CEP41: variants seen among roughly 807,000 people sequenced by gnomAD.
The protein encoded by CEP41 is centrosomal protein 41.
In CEP41, 32 loss-of-function variants were observed where a neutral mutation model predicts 44.3. The ratio of observed to expected loss-of-function variants is 0.72; its 90% CI spans 0.54 to 0.97. The LOEUF is 0.97. Ranked by LOEUF, CEP41 falls within the 50% of genes least tolerant of loss-of-function variation. The pLI is 0.00. For missense variants in CEP41, 432 were observed against 455.2 expected, an observed-to-expected ratio of 0.95 and a Z score of 0.46; for synonymous variants, 151 against 168.5, an observed-to-expected ratio of 0.90 and a Z score of 0.80.
At chr7:130,427,878 C>A in intron 2 of CEP41, 77 bp downstream of exon 2, 1 of 920,554 alleles carries the variant, frequency 1.1e-6, no homozygotes, top group Middle Eastern at 2.6e-4. Flanking sequence ...TGATTTATAC[C>A]AGATATGTGG....
chr7:130,441,103 T>TGG, upstream of CEP41: 1 of 991,758 alleles, frequency 1.0e-6, no homozygotes, highest in African/African-American at 1.6e-5. Context: ...GGCCGGCCAA[T>TGG]GGGGGCCCCG....
intron 9 of CEP41, 143 bp downstream of exon 9, chr7:130,400,564 T>C (rs1369278326): frequency 2.8e-6 from 2 of 703,666 alleles, no homozygotes; most frequent in Admixed American, 2.1e-5. Flanking sequence ...AAGTTTCACA[T>C]AACTCCTGAC....
At chr7:130,420,212 C>T in intron 2 of CEP41, 1 of 257,908 alleles carries the variant, frequency 3.9e-6, no homozygotes, top group East Asian at 1.8e-4. Flanking sequence ...TCCCTGTAGT[C>T]CCAGCTACTT....
At chr7:130,411,294 G>T in intron 4 of CEP41, 103 bp from the exon 5 acceptor site, 1 of 934,188 alleles carries the variant, frequency 1.1e-6, no homozygotes, top group South Asian at 1.3e-5. Flanking sequence ...TCAAAGATCT[G>T]TTGTTTTAAG....
At chr7:130,415,295 C>A (rs187505713) in intron 3 of CEP41, among the ~76,000 whole-genome samples, 79 of 152,288 alleles carry the variant, frequency 5.2e-4, no homozygotes, top group African/African-American at 1.9e-3. Context: ...TATCAAGAAA[C>A]AAGGGAATAT....
Position 130,411,159 on chromosome 7 carries a change from T to G in CEP41, c.240A>C (p.Thr80=). ...GAATCTCCTCAGCTGTCACTTCCAG[T>G]GTTTGATCAGAGAGGGAAGCAACTT... ...IIQVASLSDQ[T]LEVTAEEIQR... The change falls in exon 5 of 11, where the codon ACA becomes ACC. Residue 80 remains threonine, a synonymous_variant. Transcript: ENST00000223208. The G allele has an allele frequency of 6.2e-7, 1 of 1,614,108 alleles. No individual in the cohort carries two copies. The highest frequency in any genetic ancestry group is 8.5e-7 in the Non-Finnish European group (1 of 1,179,972).
intron 2 of CEP41, among the ~76,000 whole-genome samples, chr7:130,423,050 G>A (rs550707612): frequency 1.3e-5 from 2 of 152,284 alleles, no homozygotes; most frequent in African/African-American, 4.8e-5. Flanking sequence ...GGGTTCAAGC[G>A]ATTCTCCTGC....
intron 1 of CEP41, among the ~76,000 whole-genome samples, chr7:130,440,326 GC>G (rs1459359429): frequency 1.3e-5 from 2 of 152,078 alleles, no homozygotes; most frequent in African/African-American, 4.8e-5. Flanking sequence ...TCCACTATAC[GC>G]AATTTATTAA....
At chr7:130,439,934 C>T (rs782172605) in intron 1 of CEP41, among the ~76,000 whole-genome samples, 2 of 152,216 alleles carry the variant, frequency 1.3e-5, no homozygotes, top group African/African-American at 2.4e-5. Context: ...TTGAGTACTA[C>T]CTATTTTCTC....
At chr7:130,439,799 C>T (rs778283660) in intron 1 of CEP41, among the ~76,000 whole-genome samples, 1 of 152,064 alleles carries the variant, frequency 6.6e-6, no homozygotes, top group African/African-American at 2.4e-5. Flanking sequence ...CCTACAGGGG[C>T]CTGTTCTGAG....
At chr7:130,404,461 C>T (rs1289863581) in intron 6 of CEP41, 103 bp downstream of exon 6, 4 of 894,842 alleles carry the variant, frequency 4.5e-6, no homozygotes, top group Non-Finnish European at 7.4e-6. Context: ...TTTACTCCTG[C>T]CAGTTCTGTT....
At chr7:130,415,071 A>G (rs1182845521) in intron 3 of CEP41, among the ~76,000 whole-genome samples, 1 of 152,230 alleles carries the variant, frequency 6.6e-6, no homozygotes, top group Non-Finnish European at 1.5e-5. Context: ...TTGTCAATAG[A>G]CATAGAGTGT....
intron 1 of CEP41, among the ~76,000 whole-genome samples, chr7:130,439,538 C>T (rs1003814719): frequency 1.3e-5 from 2 of 152,158 alleles, no homozygotes; most frequent in African/African-American, 2.4e-5. Context: ...TCCTTCCCCC[C>T]ACCCTCCAGG....
intron 3 of CEP41, among the ~76,000 whole-genome samples, chr7:130,413,875 T>C (rs1332541326): frequency 1.3e-5 from 2 of 152,224 alleles, no homozygotes; most frequent in Non-Finnish European, 2.9e-5. Context: ...GGTTTTTATA[T>C]TGGTACCCAT....
rs559935453 is a variant in CEP41, at chr7:130,398,391, G to A, written c.*500C>T. On this transcript the variant is annotated 3_prime_UTR_variant, in exon 11 of 11. Coordinates refer to ENST00000223208, the MANE Select transcript of CEP41 (RefSeq NM_018718.3). Reference sequence around the variant, plus strand: ...GCCTGCTGGGGTGGGGTCTGCAGGCGGCTGGAACCTAAGGCTCATCTGCAC... The same window carrying A: ...GCCTGCTGGGGTGGGGTCTGCAGGCAGCTGGAACCTAAGGCTCATCTGCAC... 7.0e-5 allele frequency: 32 copies of A among 453,944 alleles called. No homozygotes were observed. Among genetic ancestry groups the A allele is most frequent in the African/African-American group, 2.0e-4 (10 of 50,060 alleles). 28.1% of individuals were successfully genotyped at this position (453,944 alleles called of 1,614,324 possible). A position where few individuals can be genotyped will look rare whatever the true frequency, so the allele number is the denominator to read the frequency against.
chr7:130,435,034 T>C (rs1797922706), intron 1 of CEP41, among the ~76,000 whole-genome samples: 1 of 152,118 alleles, frequency 6.6e-6, no homozygotes, highest in African/African-American at 2.4e-5. Context: ...TTTTCTGACA[T>C]GGAAAGATCT....
At chr7:130,424,399 C>CA (rs35053180) in intron 2 of CEP41, among the ~76,000 whole-genome samples, 2,071 of 96,394 alleles carry the variant, frequency 0.021, 9 homozygotes, top group Admixed American at 0.024. Flanking sequence ...GACCCTGTCT[C>CA]AAAAAAAAAA....
In CEP41 at chr7:130,416,962, G is replaced by A. The variant is rs781793746; in HGVS notation, c.102C>T (p.Asn34=). 7.0e-6 allele frequency: 11 copies of A among 1,573,736 alleles called. No individual in the cohort carries two copies. Among genetic ancestry groups the A allele is most frequent in the South Asian group, 5.5e-5 (5 of 90,234 alleles). The stretch of plus-strand genomic sequence containing the variant: ...GCTTCTCAGTATATTTAGTCATACT[G>A]TTACCTAAAAAGAAAATAAGGGGTT... ...QHIKSRLDTG[N]SMTKYTEKLE... Residue 34 remains asparagine, a synonymous_variant, in exon 3 of 11, where the codon AAC becomes AAT. Transcript: ENST00000223208.
chr7:130,425,569 C>T (rs1797636560), intron 2 of CEP41, among the ~76,000 whole-genome samples: 2 of 152,180 alleles, frequency 1.3e-5, no homozygotes, highest in South Asian at 4.1e-4. Flanking sequence ...TAAAATGGTA[C>T]AGTCACTTTA....
Sources: gnomAD v4.1 joint callset for allele counts (sites outside exome capture counted in the v4.1 genomes callset) on GRCh38, gnomAD v4.1.1 for gene constraint, MANE v1.5 for transcripts, NCBI Gene and HGNC (gene_info 2026-07-23, HGNC 2026-07-21) for gene names.